Variants in QRFPR observed in about 807,000 individuals in gnomAD.
QRFPR encodes pyroglutamylated RFamide peptide receptor, also known as pyroglutamylated RF-amide peptide receptor.
Under a neutral mutation model 31.3 loss-of-function variants are expected in QRFPR, and 37 were observed. That is an observed-to-expected ratio of 1.18 (90% CI 0.91 to 1.56). The LOEUF is 1.56. Among genes scored for constraint, QRFPR ranks in the 40% most tolerant of loss-of-function variants. The pLI is 0.00. For synonymous variants in QRFPR, 197 were observed against 192.0 expected (o/e 1.03, Z -0.22); for missense variants, 542 against 532.5 (o/e 1.02, Z -0.18).
chr4:121,356,739 T>C (rs746518401), intron 1 of QRFPR, among the ~76,000 whole-genome samples: 1 of 152,022 alleles, frequency 6.6e-6, no homozygotes, highest in Non-Finnish European at 1.5e-5. Context: ...CTCCTCTCTC[T>C]CTCTTTCCCC....
rs746860676 is a variant in QRFPR at position 121,380,669 on chromosome 4, G to T, written c.-22C>A. ...GCATTGCTGTGCGCTCCCGGGACGCGGGGCCACCGCCCGCTACTGGCTGGC... is the reference window on the plus strand; with the variant it reads ...GCATTGCTGTGCGCTCCCGGGACGCTGGGCCACCGCCCGCTACTGGCTGGC... On this transcript the variant is annotated 5_prime_UTR_variant, in exon 1 of 6. Transcript: ENST00000394427. The T allele has an allele frequency of 6.7e-6, 10 of 1,484,804 alleles. No homozygotes were observed. In the East Asian group the frequency reaches 1.5e-4, roughly 22 times the overall value. 92.0% of individuals were successfully genotyped at this position (1,484,804 alleles called of 1,614,324 possible).
chr4:121,358,670 T>C (rs1725916551), intron 1 of QRFPR, among the ~76,000 whole-genome samples: 1 of 152,226 alleles, frequency 6.6e-6, no homozygotes, highest in Non-Finnish European at 1.5e-5. Flanking sequence ...CATAAACTTG[T>C]GGTGTTTTGC....
At chr4:121,371,888 A>G (rs147961267) in intron 1 of QRFPR, among the ~76,000 whole-genome samples, 98 of 152,318 alleles carry the variant, frequency 6.4e-4, no homozygotes, top group Middle Eastern at 6.8e-3. Flanking sequence ...GACAATGAGC[A>G]TCAATGGATT....
intron 1 of QRFPR, among the ~76,000 whole-genome samples, chr4:121,355,996 G>A (rs1177214053): frequency 6.6e-6 from 1 of 152,098 alleles, no homozygotes; most frequent in Non-Finnish European, 1.5e-5. Context: ...ATAGCCTAGA[G>A]AGTGTTCCAT....
intron 1 of QRFPR, among the ~76,000 whole-genome samples, chr4:121,365,150 T>C (rs1248716429): frequency 1.3e-5 from 2 of 149,086 alleles, no homozygotes; most frequent in Non-Finnish European, 3.0e-5. Flanking sequence ...AACTACAATA[T>C]TCACAAAAGA....
intron 1 of QRFPR, among the ~76,000 whole-genome samples, chr4:121,346,907 C>A (rs557490966): frequency 6.6e-6 from 1 of 152,180 alleles, no homozygotes; most frequent in Non-Finnish European, 1.5e-5. Flanking sequence ...CCTTTTTATA[C>A]ATTGTTGGAT....
chr4:121,331,175 GTTTTTTTTTTT>G (rs397995185), intron 4 of QRFPR, among the ~76,000 whole-genome samples: 1 of 69,038 alleles, frequency 1.4e-5, no homozygotes, highest in Non-Finnish European at 2.5e-5. Flanking sequence ...TATATCTTGG[GTTTTTTTTTTT>G]TTTTTTTTTT....
intron 1 of QRFPR, among the ~76,000 whole-genome samples, chr4:121,372,360 C>G (rs1560746538): frequency 6.6e-6 from 1 of 152,148 alleles, no homozygotes; most frequent in Non-Finnish European, 1.5e-5. Flanking sequence ...GGGAAGTATT[C>G]TCTCTCATTT....
chr4:121,343,969 G>A (rs945769170), intron 1 of QRFPR, among the ~76,000 whole-genome samples: 3 of 152,096 alleles, frequency 2.0e-5, no homozygotes, highest in Admixed American at 6.5e-5. Flanking sequence ...TTTGAAAAAA[G>A]GGATTAATAA....
At chr4:121,369,347 A>G in intron 1 of QRFPR, 1 of 639,384 alleles carries the variant, frequency 1.6e-6, no homozygotes, top group South Asian at 2.1e-5. Flanking sequence ...TTTTAAATAT[A>G]CCTTTCCTAT....
In QRFPR at chr4:121,357,082, T is replaced by TGTG. The variant is rs1467341417; in HGVS notation, c.341-16473_341-16472insCAC. Among the ~76,000 whole-genome samples the TGTG allele has an allele frequency of 2.1e-4, 32 of 152,252 alleles. No individual in the cohort carries two copies. The East Asian group carries it at 6.0e-3, about 29-fold the overall frequency. On this transcript the variant is annotated intron_variant, in intron 1 of 5. Transcript: ENST00000394427. ...GTTTCCTACTGGTGCTGTAACAAAG[T>TGTG]ACCACAATCTTAGTGACTTAAAACA...
chr4:121,369,919 G>T (rs748495768), intron 1 of QRFPR: 9 of 774,560 alleles, frequency 1.2e-5, no homozygotes, highest in Non-Finnish European at 2.1e-5. Flanking sequence ...TAAGGTACTT[G>T]GTCTTCTGAG....
intron 1 of QRFPR, among the ~76,000 whole-genome samples, chr4:121,343,067 C>T (rs754408298): frequency 2.6e-5 from 4 of 152,172 alleles, no homozygotes; most frequent in South Asian, 4.1e-4. Flanking sequence ...TGGACCATGG[C>T]CATGCACCAG....
intron 1 of QRFPR, among the ~76,000 whole-genome samples, chr4:121,353,630 T>C (rs1350306418): frequency 6.6e-6 from 1 of 152,158 alleles, no homozygotes; most frequent in African/African-American, 2.4e-5. Context: ...GTCAGATGGG[T>C]ATTTTGCAAA....
chr4:121,359,768 T>C (rs1036345868), intron 1 of QRFPR, among the ~76,000 whole-genome samples: 59 of 149,502 alleles, frequency 3.9e-4, no homozygotes, highest in African/African-American at 1.2e-3. Context: ...AGTGTATATA[T>C]ATATATAGGA....
Position 121,366,467 on chromosome 4 carries a change from C to T in QRFPR, c.340+13841G>A, listed in dbSNP as rs1468012686. ...TCCTAGGTCTTGAAAGATTCTGGTG[C>T]TTCTATTCTCTCTCTCTCTTTCAGA... is the stretch of plus-strand genomic sequence containing the variant. On this transcript the variant is annotated intron_variant, in intron 1 of 5. Transcript: ENST00000394427. 2.0e-5 allele frequency among the ~76,000 whole-genome samples: 3 copies of T among 149,754 alleles called. 1 individual carries two copies. Among genetic ancestry groups the T allele is most frequent in the African/African-American group, 5.0e-5 (2 of 40,348 alleles).
intron 1 of QRFPR, 113 bp from the exon 2 acceptor site, chr4:121,340,723 G>A (rs868073897): frequency 1.1e-6 from 1 of 933,920 alleles, no homozygotes; most frequent in African/African-American, 1.7e-5. Flanking sequence ...CAAAAAGTTT[G>A]ATAATTGTAA....
At chr4:121,379,630 A>T (rs762306252) in intron 1 of QRFPR, among the ~76,000 whole-genome samples, 2 of 152,112 alleles carry the variant, frequency 1.3e-5, no homozygotes, top group Non-Finnish European at 2.9e-5. Flanking sequence ...TTTTTCCCCC[A>T]TTATACGGAA....
chr4:121,329,830 TTC>T (rs1312121919), intron 5 of QRFPR, 116 bp from the exon 6 acceptor site: 1 of 781,624 alleles, frequency 1.3e-6, no homozygotes, highest in African/African-American at 1.8e-5. Flanking sequence ...GTGTGAAAAG[TTC>T]TCAAGATCGT....
Sources: gnomAD v4.1 joint callset for allele counts (sites outside exome capture counted in the v4.1 genomes callset) on GRCh38, gnomAD v4.1.1 for gene constraint, MANE v1.5 for transcripts, NCBI Gene and HGNC (gene_info 2026-07-23, HGNC 2026-07-21) for gene names.